Variants in KCND2 observed in about 807,000 individuals in gnomAD.
KCND2 encodes A-type voltage-gated potassium channel KCND2.
A neutral mutation model predicts 54.4 loss-of-function variants in KCND2; 16 were observed. The ratio of observed to expected loss-of-function variants is 0.29; its 90% CI spans 0.20 to 0.45. The LOEUF (loss-of-function observed/expected upper bound fraction) is 0.45. KCND2 is among the 20% of genes least tolerant of loss of function. KCND2 has a pLI of 1.00. For synonymous variants in KCND2, 317 were observed against 310.7 expected (o/e 1.02, Z -0.21); for missense variants, 486 against 824.2 (o/e 0.59, Z 5.02).
chr7:120,741,383 G>C, intron 2 of KCND2, 151 bp from the exon 3 acceptor site: 1 of 659,154 alleles, frequency 1.5e-6, no homozygotes. Context: ...CACTTAAAAA[G>C]GTAGAGAGGT....
chr7:120,338,381 G>A (rs1584736783), intron 1 of KCND2, among the ~76,000 whole-genome samples: 1 of 148,136 alleles, frequency 6.8e-6, no homozygotes, highest in African/African-American at 2.6e-5. Context: ...TTATCTAAAT[G>A]TTGTACATTT....
At chr7:120,607,829 A>AT (rs1275056784) in intron 1 of KCND2, among the ~76,000 whole-genome samples, 3 of 152,168 alleles carry the variant, frequency 2.0e-5, no homozygotes, top group East Asian at 3.9e-4. Flanking sequence ...GAGGAAGAAC[A>AT]TTTTTTAGAC....
Position 120,373,863 on chromosome 7 carries a change from T to A in KCND2, c.1115+98116T>A, listed in dbSNP as rs1182103066. On this transcript the variant is annotated intron_variant, in intron 1 of 5. Coordinates refer to ENST00000331113, the MANE Select transcript of KCND2 (RefSeq NM_012281.3). ...ACAGTACCATTCAAATTACACAGCT[T>A]TGAAGTTTATCTGTTTCCATTATGA... Among the ~76,000 whole-genome samples the A allele has an allele frequency of 4.6e-5, 7 of 151,820 alleles. No homozygotes were observed. In the South Asian group the frequency reaches 6.2e-4, roughly 13 times the overall value.
intron 1 of KCND2, among the ~76,000 whole-genome samples, chr7:120,343,086 G>A (rs1310857023): frequency 2.0e-5 from 3 of 152,090 alleles, no homozygotes; most frequent in Admixed American, 6.6e-5. Context: ...CAAAGAAGGA[G>A]GATGCATAAA....
chr7:120,291,403 T>G (rs1281512132), intron 1 of KCND2, among the ~76,000 whole-genome samples: 1 of 151,952 alleles, frequency 6.6e-6, no homozygotes, highest in Non-Finnish European at 1.5e-5. Flanking sequence ...TCATTAAGAT[T>G]ATTATTTATT....
At chr7:120,649,265 T>C (rs1791694711) in intron 1 of KCND2, among the ~76,000 whole-genome samples, 1 of 152,126 alleles carries the variant, frequency 6.6e-6, no homozygotes, top group African/African-American at 2.4e-5. Context: ...ACTCACACAT[T>C]AGCACTGATG....
In KCND2 at chr7:120,382,111, A is replaced by G. The variant is rs143199668; in HGVS notation, c.1115+106364A>G. ...TATAGCTTATTTGGAAGCATATTCC[A>G]ACCAGGAGAAAGTGTTGTTTTCCTT... On this transcript the variant is annotated intron_variant, in intron 1 of 5. Coordinates refer to ENST00000331113, the MANE Select transcript of KCND2 (RefSeq NM_012281.3). Among the ~76,000 whole-genome samples, 540 of 152,042 alleles carry G rather than the reference A, an allele frequency of 3.6e-3. 2 individuals carry two copies. The highest frequency in any genetic ancestry group is 0.012 in the African/African-American group (492 of 41,550).
rs529163384 is a variant in KCND2 at position 120,418,466 on chromosome 7, G to A, written c.1115+142719G>A. On this transcript the variant is annotated intron_variant, in intron 1 of 5. Coordinates refer to ENST00000331113, the MANE Select transcript of KCND2 (RefSeq NM_012281.3). ...TTCAGCAACCAAACTGCCTTGTACT[G>A]GACCTAAGAGGCCATCTGCTGTTCC... 3.9e-5 allele frequency among the ~76,000 whole-genome samples: 5 copies of A among 128,816 alleles called. No homozygotes were observed. In the South Asian group the frequency reaches 6.4e-4, roughly 16 times the overall value. The allele number at this position is 128,816 out of a possible 152,430, so 84.5% of individuals were successfully genotyped here.
chr7:120,412,238 A>G lies in KCND2; in HGVS notation c.1115+136491A>G, dbSNP rs779978003. 4.5e-4 allele frequency among the ~76,000 whole-genome samples: 68 copies of G among 152,196 alleles called. No homozygotes were observed. The Middle Eastern group carries it at 0.017, about 38-fold the overall frequency. ...AAACAAACAAATGCAAAATAAATTC[A>G]GAGTTATTGCATTAATATAAGCTTC... On this transcript the variant is annotated intron_variant, in intron 1 of 5. Transcript: ENST00000331113.
chr7:120,747,947 C>A lies in KCND2; in HGVS notation c.*89C>A. On this transcript the variant is annotated 3_prime_UTR_variant, in exon 6 of 6. Coordinates refer to ENST00000331113, the MANE Select transcript of KCND2 (RefSeq NM_012281.3). Reference sequence around the variant, plus strand: ...GAAAGAAGAAACAATAAATATTCTGCAGATTAATGCAGCAAAGAAAGAAGG... The same window carrying A: ...GAAAGAAGAAACAATAAATATTCTGAAGATTAATGCAGCAAAGAAAGAAGG... 1 of 1,023,420 alleles carries A rather than the reference C, an allele frequency of 9.8e-7. No individual in the cohort carries two copies. The highest frequency in any genetic ancestry group is 1.5e-6 in the Non-Finnish European group (1 of 675,510). 63.4% of individuals were successfully genotyped at this position (1,023,420 alleles called of 1,614,324 possible).
At chr7:120,295,897 T>G (rs141431402) in intron 1 of KCND2, among the ~76,000 whole-genome samples, 3 of 152,128 alleles carry the variant, frequency 2.0e-5, no homozygotes, top group Non-Finnish European at 4.4e-5. Context: ...CTATCTACAG[T>G]CTTACCATCT....
intron 1 of KCND2, among the ~76,000 whole-genome samples, chr7:120,351,297 G>A (rs1800398354): frequency 1.6e-5 from 2 of 128,036 alleles, no homozygotes; most frequent in African/African-American, 5.8e-5. Flanking sequence ...TATATATTAT[G>A]TATCATACAA....
At chr7:120,514,577 CAT>C (rs573711417) in intron 1 of KCND2, among the ~76,000 whole-genome samples, 8 of 152,026 alleles carry the variant, frequency 5.3e-5, no homozygotes, top group East Asian at 3.9e-4. Flanking sequence ...AGTACACAAT[CAT>C]GTGAAGTTTT....
intron 1 of KCND2, among the ~76,000 whole-genome samples, chr7:120,686,938 G>C (rs149371441): frequency 6.6e-6 from 1 of 152,024 alleles, no homozygotes; most frequent in Non-Finnish European, 1.5e-5. Flanking sequence ...CCTTGGCACC[G>C]GTTGTGAACA....
At chr7:120,587,610 G>T (rs1363624202) in intron 1 of KCND2, among the ~76,000 whole-genome samples, 1 of 151,920 alleles carries the variant, frequency 6.6e-6, no homozygotes, top group Non-Finnish European at 1.5e-5. Flanking sequence ...GACATAAGAT[G>T]ACCTTTCTCT....
At chr7:120,301,606 C>T (rs1799586140) in intron 1 of KCND2, among the ~76,000 whole-genome samples, 1 of 151,924 alleles carries the variant, frequency 6.6e-6, no homozygotes, top group East Asian at 1.9e-4. Flanking sequence ...ATTGTTGGGC[C>T]TGGTTGCATG....
At chr7:120,330,500 G>C (rs941470298) in intron 1 of KCND2, among the ~76,000 whole-genome samples, 1 of 135,198 alleles carries the variant, frequency 7.4e-6, no homozygotes, top group Admixed American at 8.7e-5. Context: ...AGAATCGCTT[G>C]AACCTGGGAG....
At chr7:120,713,623 G>C (rs1792567656) in intron 1 of KCND2, among the ~76,000 whole-genome samples, 1 of 152,164 alleles carries the variant, frequency 6.6e-6, no homozygotes, top group Non-Finnish European at 1.5e-5. Context: ...TATGACATCA[G>C]AGGTGGACAT....
chr7:120,541,170 C>A (rs913675034), intron 1 of KCND2, among the ~76,000 whole-genome samples: 7 of 152,080 alleles, frequency 4.6e-5, no homozygotes, highest in East Asian at 1.9e-4. Flanking sequence ...CATGAAAGTG[C>A]CCATTGGGTT....
Sources: gnomAD v4.1 joint callset for allele counts (sites outside exome capture counted in the v4.1 genomes callset) on GRCh38, gnomAD v4.1.1 for gene constraint, MANE v1.5 for transcripts, NCBI Gene and HGNC (gene_info 2026-07-23, HGNC 2026-07-21) for gene names.